Variants in LDLRAD3 observed in about 807,000 individuals in gnomAD.
LDLRAD3 encodes low-density lipoprotein receptor class A domain-containing protein 3.
A neutral mutation model predicts 29.4 loss-of-function variants in LDLRAD3; 20 were observed. The ratio of observed to expected loss-of-function variants is 0.68; its 90% CI spans 0.48 to 0.99. The LOEUF is 0.99. Among genes scored for constraint, LDLRAD3 ranks in the 50% least tolerant of loss-of-function variants. The pLI is 0.00. For missense variants in LDLRAD3, 420 were observed against 454.3 expected, an observed-to-expected ratio of 0.92 and a Z score of 0.69; for synonymous variants, 157 against 192.7, an observed-to-expected ratio of 0.81 and a Z score of 1.53.
chr11:36,055,699 A>G (rs1852608461), intron 2 of LDLRAD3, among the ~76,000 whole-genome samples: 1 of 152,174 alleles, frequency 6.6e-6, no homozygotes, highest in Non-Finnish European at 1.5e-5. Flanking sequence ...TAGTTAGTAT[A>G]CTTTGGTGCA....
intron 2 of LDLRAD3, among the ~76,000 whole-genome samples, chr11:36,048,617 A>G (rs1852486370): frequency 6.6e-6 from 1 of 152,134 alleles, no homozygotes; most frequent in Non-Finnish European, 1.5e-5. Context: ...TAAATCCCCC[A>G]GTTCTTAGAA....
chr11:35,968,608 G>T, intron 1 of LDLRAD3: 1 of 179,316 alleles, frequency 5.6e-6, no homozygotes. Flanking sequence ...GGGCCTCCCT[G>T]CTTCCCTGTG....
At chr11:36,091,331 T>TCCTACTGTA (rs1398805023) in intron 3 of LDLRAD3, among the ~76,000 whole-genome samples, 1 of 152,204 alleles carries the variant, frequency 6.6e-6, no homozygotes, top group Non-Finnish European at 1.5e-5. Flanking sequence ...ATTTCCTAAG[T>TCCTACTGTA]CCTACTGTAG....
rs547015782 is a variant in LDLRAD3 at position 36,025,564 on chromosome 11, AT to A, written c.47-10533del. Among the ~76,000 whole-genome samples, 20 of 151,058 alleles carry A rather than the reference AT, an allele frequency of 1.3e-4. 1 individual carries two copies. The South Asian group carries it at 3.6e-3, about 27-fold the overall frequency. Reference sequence around the variant, plus strand: ...CCACCACTCCCGGCTAATTTTTTGTATTTTTTAGTAGAGACGGGGTTTCACC... The same window carrying A: ...CCACCACTCCCGGCTAATTTTTTGTATTTTTAGTAGAGACGGGGTTTCACC... On this transcript the variant is annotated intron_variant, in intron 1 of 5. Coordinates refer to ENST00000315571, the MANE Select transcript of LDLRAD3 (RefSeq NM_174902.4).
intron 4 of LDLRAD3, among the ~76,000 whole-genome samples, chr11:36,105,238 T>TGTGTGTGTGTGTGA (rs1343780985): frequency 2.1e-4 from 27 of 128,428 alleles, no homozygotes; most frequent in African/African-American, 6.0e-4. Flanking sequence ...TGTGTGTGTG[T>TGTGTGTGTGTGTGA]GAGAGAGAGA....
At chr11:36,083,763 CACACACACACACACA>C (rs1565210899) in intron 3 of LDLRAD3, among the ~76,000 whole-genome samples, 4 of 151,412 alleles carry the variant, frequency 2.6e-5, no homozygotes, top group Non-Finnish European at 5.9e-5. Flanking sequence ...CACACACACA[CACACACACACACACA>C]CACCCCAGAA....
At chr11:36,013,844 A>G (rs1476142690) in intron 1 of LDLRAD3, among the ~76,000 whole-genome samples, 2 of 151,990 alleles carry the variant, frequency 1.3e-5, no homozygotes, top group Non-Finnish European at 2.9e-5. Context: ...ATGCCTTGAA[A>G]TCTTTCTGCC....
intron 1 of LDLRAD3, among the ~76,000 whole-genome samples, chr11:35,979,183 A>G (rs1257999049): frequency 6.6e-6 from 1 of 152,216 alleles, no homozygotes; most frequent in Non-Finnish European, 1.5e-5. Context: ...GGTGGGCACC[A>G]GGAAACAGGC....
chr11:36,109,462 C>T lies in LDLRAD3; in HGVS notation c.454+11001C>T, dbSNP rs151302509. On this transcript the variant is annotated intron_variant, in intron 4 of 5. Transcript: ENST00000315571. ...CAAACTGGATGAGAGTAGCAAGCTG[C>T]GTTATCACCATGGGGATACTAATTT... is the stretch of plus-strand genomic sequence containing the variant. Among the ~76,000 whole-genome samples the T allele has an allele frequency of 7.9e-3, 1,199 of 152,222 alleles. 13 individuals are homozygous for T. The highest frequency in any genetic ancestry group is 0.028 in the African/African-American group (1,160 of 41,520).
At chr11:35,975,403 A>G (rs894874952) in intron 1 of LDLRAD3, among the ~76,000 whole-genome samples, 6 of 152,162 alleles carry the variant, frequency 3.9e-5, no homozygotes, top group Non-Finnish European at 7.3e-5. Flanking sequence ...ATTAGTGCCA[A>G]TCTCTCTCCC....
intron 4 of LDLRAD3, among the ~76,000 whole-genome samples, chr11:36,128,397 C>A (rs1203490492): frequency 6.6e-6 from 1 of 152,004 alleles, no homozygotes; most frequent in African/African-American, 2.4e-5. Flanking sequence ...CTTACCAAAC[C>A]ACCATGCACA....
At chr11:36,215,315 G>A (rs766673301) in intron 4 of LDLRAD3, among the ~76,000 whole-genome samples, 15 of 152,198 alleles carry the variant, frequency 9.9e-5, no homozygotes, top group Non-Finnish European at 1.6e-4. Context: ...CTGAGTACAT[G>A]AGAAGCCACT....
intron 1 of LDLRAD3, among the ~76,000 whole-genome samples, chr11:35,991,976 CTGA>C (rs1851697688): frequency 6.6e-6 from 1 of 151,360 alleles, no homozygotes; most frequent in South Asian, 2.1e-4. Context: ...TGTCTGAAAC[CTGA>C]TGATGCAGGA....
At chr11:35,975,661 TAACA>T (rs1354025719) in intron 1 of LDLRAD3, among the ~76,000 whole-genome samples, 1 of 152,044 alleles carries the variant, frequency 6.6e-6, no homozygotes, top group Non-Finnish European at 1.5e-5. Flanking sequence ...CAAAACGAAA[TAACA>T]AACAGTATAG....
intron 4 of LDLRAD3, among the ~76,000 whole-genome samples, chr11:36,214,312 C>T (rs922854775): frequency 6.6e-6 from 1 of 152,178 alleles, no homozygotes; most frequent in African/African-American, 2.4e-5. Flanking sequence ...GTCCAGTCTG[C>T]AGGGTTGGCC....
At chr11:36,203,043 C>T (rs1301612719) in intron 4 of LDLRAD3, among the ~76,000 whole-genome samples, 1 of 152,156 alleles carries the variant, frequency 6.6e-6, no homozygotes, top group Non-Finnish European at 1.5e-5. Context: ...CTCAAGCGAT[C>T]CTCCCTCCTT....
chr11:36,018,070 A>T (rs1852046344), intron 1 of LDLRAD3, among the ~76,000 whole-genome samples: 1 of 152,066 alleles, frequency 6.6e-6, no homozygotes, highest in Non-Finnish European at 1.5e-5. Context: ...AACGAGATTA[A>T]TTTTTTCCTC....
rs531128374 is a variant in LDLRAD3, at chr11:35,974,667, G to A, written c.46+30523G>A. Among the ~76,000 whole-genome samples, 43 of 152,344 alleles carry A rather than the reference G, an allele frequency of 2.8e-4. 1 individual carries two copies. The South Asian group carries it at 8.9e-3, about 32-fold the overall frequency. On this transcript the variant is annotated intron_variant, in intron 1 of 5. Coordinates refer to ENST00000315571, the MANE Select transcript of LDLRAD3 (RefSeq NM_174902.4). ...GGCTGTTGACTGGAGGCCAGTCTCA[G>A]TTTCTTGTCATGTGGGTCCTCCATA...
chr11:36,057,034 C>T (rs1852631744), intron 2 of LDLRAD3, among the ~76,000 whole-genome samples: 1 of 152,154 alleles, frequency 6.6e-6, no homozygotes, highest in South Asian at 2.1e-4. Context: ...CACTTTGAGC[C>T]ACAAGGGTCT....
Sources: allele counts gnomAD v4.1 joint callset (sites outside exome capture counted in the v4.1 genomes callset), GRCh38; gene constraint gnomAD v4.1.1; transcripts MANE v1.5; gene names NCBI Gene and HGNC (gene_info 2026-07-23, HGNC 2026-07-21).